The following KCNN1 variants were observed in gnomAD, a reference collection of about 807,000 sequenced individuals.
The protein encoded by KCNN1 is potassium calcium-activated channel subfamily N member 1, also known as small conductance calcium-activated potassium channel protein 1.
KCNN1 carries 20 observed loss-of-function variants against 44.7 expected under a neutral mutation model. The observed-to-expected ratio is 0.45, with a 90% confidence interval of 0.32 to 0.65. The LOEUF (loss-of-function observed/expected upper bound fraction) is 0.65, where lower values mean the gene tolerates loss of function less well. Among genes scored for constraint, KCNN1 ranks in the 30% least tolerant of loss-of-function variants. The pLI, the probability that KCNN1 is intolerant of heterozygous loss-of-function variation, is 0.05. For synonymous variants in KCNN1, 324 were observed against 341.7 expected (o/e 0.95, Z 0.57); for missense variants, 632 against 785.3 (o/e 0.80, Z 2.33).
intron 1 of KCNN1, chr19:17,952,399 T>G (rs2145893301): frequency 6.6e-6 from 1 of 152,166 alleles, no homozygotes; most frequent in East Asian, 1.9e-4. Flanking sequence ...CCCCTTCTCT[T>G]TGGTGGGCGG....
At chr19:17,955,960 G>C (rs2031534765) in intron 2 of KCNN1, among the ~76,000 whole-genome samples, 1 of 151,706 alleles carries the variant, frequency 6.6e-6, no homozygotes, top group Non-Finnish European at 1.5e-5. Flanking sequence ...GACAGAGTCT[G>C]ACTCTGTCGC....
Position 17,998,044 on chromosome 19 carries a change from C to A in KCNN1, c.1378-108C>A. 1 of 1,297,950 alleles carries A rather than the reference C, an allele frequency of 7.7e-7. No individual in the cohort carries two copies. The highest frequency in any genetic ancestry group is 1.0e-6 in the Non-Finnish European group (1 of 980,032). The allele number at this position is 1,297,950 out of a possible 1,614,324, so 80.4% of individuals were successfully genotyped here. A position where few individuals can be genotyped will look rare whatever the true frequency, so the allele number is the denominator to read the frequency against. On this transcript the variant is annotated intron_variant, in intron 9 of 9. Coordinates refer to ENST00000684775, the MANE Select transcript of KCNN1 (RefSeq NM_001386974.1). This position sits in a 1 kb window ranked among gnomAD's most constrained non-coding sequence, Gnocchi z 5.4. ...ACACGGGCCCCATTAGTGGCTGGCA[C>A]CCACCTGGAGCGTGTGGGCTGTCCC...
chr19:17,959,172 GC>G, intron 2 of KCNN1, among the ~76,000 whole-genome samples: 1 of 150,812 alleles, frequency 6.6e-6, no homozygotes, highest in East Asian at 2.0e-4. Context: ...TTATACGCGT[GC>G]GCCACCACAC....
At chr19:17,971,619 C>T (rs1281556901) in intron 1 of KCNN1, among the ~76,000 whole-genome samples, 1 of 151,950 alleles carries the variant, frequency 6.6e-6, no homozygotes, top group South Asian at 2.1e-4. Context: ...TGGGCCACCA[C>T]GCCCAGCTAA....
intron 5 of KCNN1, among the ~76,000 whole-genome samples, chr19:17,987,470 C>T (rs571956042): frequency 1.3e-5 from 2 of 152,280 alleles, no homozygotes; most frequent in East Asian, 3.9e-4. Flanking sequence ...CTGTGTGGTG[C>T]ATCATGCTGT....
upstream of KCNN1, chr19:17,967,101 C>T: frequency 1.0e-6 from 1 of 980,578 alleles, no homozygotes; most frequent in Non-Finnish European, 1.2e-6. Flanking sequence ...CTCTCCCGGC[C>T]CGGGCGGGCG....
At chr19:17,961,067 T>C (rs2031664194) in intron 2 of KCNN1, among the ~76,000 whole-genome samples, 1 of 151,254 alleles carries the variant, frequency 6.6e-6, no homozygotes, top group Non-Finnish European at 1.5e-5. Flanking sequence ...GCGTCTGTAA[T>C]CTCAGCTACT....
intron 9 of KCNN1, among the ~76,000 whole-genome samples, chr19:17,997,194 C>G (rs140170441): frequency 8.5e-5 from 13 of 152,308 alleles, no homozygotes; most frequent in Admixed American, 8.5e-4. Flanking sequence ...GTCAGATTCT[C>G]AGGGCAGTCA....
chr19:17,980,251 TTTTTTTTTG>T, intron 3 of KCNN1, among the ~76,000 whole-genome samples: 1 of 136,184 alleles, frequency 7.3e-6, no homozygotes, highest in South Asian at 2.4e-4. Context: ...TTTTTTTTTT[TTTTTTTTTG>T]TATTTTTAGT....
At chr19:17,977,418 T>C (rs2060906893) in intron 3 of KCNN1, among the ~76,000 whole-genome samples, 1 of 151,894 alleles carries the variant, frequency 6.6e-6, no homozygotes, top group Non-Finnish European at 1.5e-5. Context: ...CACAGATCAC[T>C]GCAGCCTCGA....
At chr19:17,966,462 G>A (rs574036916), upstream of KCNN1, among the ~76,000 whole-genome samples, 1 of 152,316 alleles carries the variant, frequency 6.6e-6, no homozygotes, top group Non-Finnish European at 1.5e-5. Flanking sequence ...CAGTTTTGGG[G>A]ACCCCCAGCC....
intron 2 of KCNN1, among the ~76,000 whole-genome samples, chr19:17,958,481 T>A (rs2031596651): frequency 2.1e-5 from 1 of 48,612 alleles, no homozygotes. Context: ...ACCCTGTCTC[T>A]TTTTTTTTTT....
chr19:17,992,857 CT>C (rs1266058148), intron 7 of KCNN1, among the ~76,000 whole-genome samples, 196 bp from the exon 8 acceptor site: 2 of 152,192 alleles, frequency 1.3e-5, no homozygotes, highest in African/African-American at 4.8e-5. Flanking sequence ...AGGTGTGCCC[CT>C]GAGGGGCTGG....
chr19:17,992,138 T>A (rs927343292), intron 7 of KCNN1, among the ~76,000 whole-genome samples: 20 of 152,258 alleles, frequency 1.3e-4, no homozygotes, highest in African/African-American at 4.3e-4. Flanking sequence ...CTGACCAACA[T>A]GGTGAAACCC....
chr19:17,970,289 A>ATTTTTTTTT lies in KCNN1; in HGVS notation c.-82+3009_-82+3017dup, dbSNP rs71164333. Among the ~76,000 whole-genome samples, 11 of 56,930 alleles carry ATTTTTTTTT rather than the reference A, an allele frequency of 1.9e-4. 2 individuals are homozygous for ATTTTTTTTT. Among genetic ancestry groups the ATTTTTTTTT allele is most frequent in the Non-Finnish European group, 2.8e-4 (9 of 31,890 alleles). The allele number at this position is 56,930 out of a possible 152,430, so 37.3% of individuals were successfully genotyped here. ...AGGTCACCTGACCATAGAAGGAATGATTTTTTTTTTTTTTTTTTTTTTTTT... is the reference window on the plus strand; with the variant it reads ...AGGTCACCTGACCATAGAAGGAATGATTTTTTTTTTTTTTTTTTTTTTTTTTTTTTTTTT... On this transcript the variant is annotated intron_variant, in intron 1 of 9. Transcript: ENST00000684775.
intron 1 of KCNN1, among the ~76,000 whole-genome samples, chr19:17,967,601 AGGG>A (rs10579789): frequency 0.18 from 27,225 of 151,612 alleles, 2,628 homozygotes; most frequent in East Asian, 0.37. Flanking sequence ...CTGCATAGAT[AGGG>A]TTGGAGGTCG....
intron 1 of KCNN1, 46 bp from the exon 2 acceptor site, chr19:17,973,762 A>C (rs1014982700): frequency 1.1e-5 from 16 of 1,450,332 alleles, no homozygotes; most frequent in African/African-American, 1.4e-5. Flanking sequence ...CTTTCTGGTC[A>C]GTAAGCTGGA....
At position 17,998,302 on chromosome 19, in the gene KCNN1, C is replaced by G; in HGVS notation, c.1528C>G (p.Pro510Ala). Residue 510 changes from proline (P) to alanine (A), a missense_variant, in exon 10 of 10, where the codon CCC (proline) becomes GCC (alanine). Physicochemically the swap from Pro to Ala is conservative, Grantham distance 27 (BLOSUM62 -1). Transcript: ENST00000684775. This position sits in a 1 kb window ranked among gnomAD's most constrained non-coding sequence, Gnocchi z 5.4. ...CCTCATCGCCCAAGCCATACGCCCA[C>G]CCCCGCCTCCCCTGCCTCCCAGGCC... ...PGLIAQAIRP[P>A]PPPLPPRPGP... 1 of 1,541,798 alleles carries G rather than the reference C, an allele frequency of 6.5e-7. No individual in the cohort carries two copies. Among genetic ancestry groups the G allele is most frequent in the South Asian group, 1.2e-5 (1 of 84,552 alleles).
At chr19:17,971,390 A>G (rs1031111981) in intron 1 of KCNN1, among the ~76,000 whole-genome samples, 4 of 152,144 alleles carry the variant, frequency 2.6e-5, no homozygotes, top group African/African-American at 9.7e-5. Context: ...GCTTGTTGGG[A>G]AAATCTCACA....
Sources: gnomAD v4.1 joint callset for allele counts (sites outside exome capture counted in the v4.1 genomes callset) on GRCh38, gnomAD v4.1.1 for gene constraint, Gnocchi (gnomAD v3.1) non-coding constraint, MANE v1.5 for transcripts, NCBI Gene and HGNC (gene_info 2026-07-23, HGNC 2026-07-21) for gene names.